Variants in GRAMD1C observed in about 807,000 individuals in gnomAD.
GRAMD1C encodes protein Aster-C.
In GRAMD1C, 89 loss-of-function variants were observed where a neutral mutation model predicts 97.8. The observed-to-expected ratio is 0.91, with a 90% CI of 0.77 to 1.09. The LOEUF is 1.09. GRAMD1C is among the 50% of genes least tolerant of loss of function. The pLI is 0.00. For synonymous variants in GRAMD1C, 256 were observed against 267.0 expected (o/e 0.96, Z 0.40); for missense variants, 740 against 766.4 (o/e 0.97, Z 0.41).
chr3:113,867,181 G>A (rs1290167159), intron 2 of GRAMD1C, among the ~76,000 whole-genome samples: 3 of 152,142 alleles, frequency 2.0e-5, no homozygotes, highest in Non-Finnish European at 2.9e-5. Flanking sequence ...ATAGATTTAT[G>A]TAGTCTTTTA....
chr3:113,930,929 C>T (rs1351380104), intron 11 of GRAMD1C, 97 bp downstream of exon 11: 2 of 631,210 alleles, frequency 3.2e-6, no homozygotes, highest in African/African-American at 1.8e-5. Flanking sequence ...TTTCAATAAA[C>T]AAGTGGCAAG....
chr3:113,932,287 C>T lies in GRAMD1C; in HGVS notation c.1210-1224C>T, dbSNP rs555721085. 9.9e-5 allele frequency among the ~76,000 whole-genome samples: 15 copies of T among 152,232 alleles called. No individual in the cohort carries two copies. The South Asian group carries it at 2.9e-3, about 29-fold the overall frequency. On this transcript the variant is annotated intron_variant, in intron 11 of 17. Coordinates refer to ENST00000358160, the MANE Select transcript of GRAMD1C (RefSeq NM_017577.5). ...AAGAACGTATTTCCATACCTTTAAA[C>T]AATTCTTAAAAGATTATCAAACGTA...
upstream of GRAMD1C, among the ~76,000 whole-genome samples, chr3:113,835,414 G>C (rs1264800790): frequency 6.6e-6 from 1 of 152,214 alleles, no homozygotes; most frequent in African/African-American, 2.4e-5. Context: ...GCTGTAGTTA[G>C]ACAACATTGT....
intron 6 of GRAMD1C, among the ~76,000 whole-genome samples, chr3:113,883,151 AAAAC>A (rs1935324357): frequency 6.6e-6 from 1 of 152,196 alleles, no homozygotes; most frequent in Non-Finnish European, 1.5e-5. Flanking sequence ...GGACATATAG[AAAAC>A]AAACAGCAAA....
At chr3:113,930,959 G>A in intron 11 of GRAMD1C, 127 bp downstream of exon 11, 1 of 599,568 alleles carries the variant, frequency 1.7e-6, no homozygotes, top group South Asian at 2.2e-5. Flanking sequence ...AGGAGAAACT[G>A]TTACAGGTTA....
At chr3:113,906,320 G>A (rs532648434) in intron 8 of GRAMD1C, among the ~76,000 whole-genome samples, 59 of 152,310 alleles carry the variant, frequency 3.9e-4, no homozygotes, top group Non-Finnish European at 8.2e-4. Flanking sequence ...CTCCATGCAT[G>A]TTATTCTCCC....
At chr3:113,832,423 ATAAAC>A (rs1709571170) in intron 1 of GRAMD1C, among the ~76,000 whole-genome samples, 1 of 152,218 alleles carries the variant, frequency 6.6e-6, no homozygotes, top group South Asian at 2.1e-4. Context: ...AGTATCTTTT[ATAAAC>A]TACTTTTTTA....
Position 113,872,391 on chromosome 3 carries a change from C to CTTTTTTTTTTTTTTTTTT in GRAMD1C, c.259+2804_259+2821dup, listed in dbSNP as rs777339692. On this transcript the variant is annotated intron_variant, in intron 3 of 17. Coordinates refer to ENST00000358160, the MANE Select transcript of GRAMD1C (RefSeq NM_017577.5). ...ATGAATCCACTTCATTCTTTTTTTTCTTTTTTTTTTTTTTTTTTTTTGAGA... is the reference window on the plus strand; with the variant it reads ...ATGAATCCACTTCATTCTTTTTTTTCTTTTTTTTTTTTTTTTTTTTTTTTTTTTTTTTTTTTTTTGAGA... Among the ~76,000 whole-genome samples, 8 of 117,460 alleles carry CTTTTTTTTTTTTTTTTTT rather than the reference C, an allele frequency of 6.8e-5. 1 individual carries two copies. The highest frequency in any genetic ancestry group is 5.1e-5 in the Non-Finnish European group (3 of 58,548). 77.1% of individuals were successfully genotyped at this position (117,460 alleles called of 152,430 possible).
chr3:113,900,820 A>G (rs1936141657), intron 6 of GRAMD1C, among the ~76,000 whole-genome samples: 1 of 152,092 alleles, frequency 6.6e-6, no homozygotes, highest in African/African-American at 2.4e-5. Flanking sequence ...CATTTTATCT[A>G]TTCCTTTTAT....
intron 2 of GRAMD1C, among the ~76,000 whole-genome samples, chr3:113,854,126 T>A (rs998211313): frequency 6.6e-6 from 1 of 151,864 alleles, no homozygotes; most frequent in African/African-American, 2.4e-5. Flanking sequence ...GGTTCTGGCA[T>A]GTGGGGAAAT....
Position 113,933,661 on chromosome 3 carries a change from G to A in GRAMD1C, c.1352+8G>A. The A allele has an allele frequency of 6.3e-7, 1 of 1,593,834 alleles. No homozygotes were observed. Among genetic ancestry groups the A allele is most frequent in the Non-Finnish European group, 8.6e-7 (1 of 1,162,654 alleles). ...ACAGAAATGCAGGCTAAGGTGAGCTGCTGTACATGAATGTGTTAGGATAGG... is the reference window on the plus strand; with the variant it reads ...ACAGAAATGCAGGCTAAGGTGAGCTACTGTACATGAATGTGTTAGGATAGG... On this transcript the variant is annotated splice_region_variant and intron_variant, in intron 12 of 17. Coordinates refer to ENST00000358160, the MANE Select transcript of GRAMD1C (RefSeq NM_017577.5).
intron 2 of GRAMD1C, among the ~76,000 whole-genome samples, chr3:113,849,707 G>C (rs183594227): frequency 7.6e-4 from 116 of 152,286 alleles, no homozygotes; most frequent in African/African-American, 1.7e-3. Context: ...TACACAGACA[G>C]GGCAACCATC....
intron 10 of GRAMD1C, among the ~76,000 whole-genome samples, chr3:113,929,914 A>T (rs1186531477): frequency 6.6e-6 from 1 of 152,228 alleles, no homozygotes; most frequent in Admixed American, 6.5e-5. Flanking sequence ...GCAGTCAAAC[A>T]TACTAGTACT....
intron 6 of GRAMD1C, among the ~76,000 whole-genome samples, chr3:113,884,888 C>T (rs1935395345): frequency 6.7e-6 from 1 of 148,748 alleles, no homozygotes; most frequent in Non-Finnish European, 1.5e-5. Flanking sequence ...GGACCACTCT[C>T]CGCTTTCCCC....
chr3:113,869,528 G>A lies in GRAMD1C; in HGVS notation c.196G>A (p.Asp66Asn). 1 of 1,516,894 alleles carries A rather than the reference G, an allele frequency of 6.6e-7. No individual in the cohort carries two copies. Among genetic ancestry groups the A allele is most frequent in the Non-Finnish European group, 9.1e-7 (1 of 1,101,558 alleles). The allele number at this position is 1,516,894 out of a possible 1,614,324, so 94.0% of individuals were successfully genotyped here. ...GCAGATTTCAAGTTCCACCTATAAA[G>A]ACAGGAATGAGGAATACAGAAGACA... Reference protein sequence around the residue: ...SFWISSSTYKDRNEEYRRQFT... With the variant: ...SFWISSSTYKNRNEEYRRQFT... Residue 66 changes from aspartate to asparagine, a missense_variant, in exon 3 of 18, where the codon GAC becomes AAC. Asp to Asn is a conservative substitution (Grantham distance 23). Coordinates refer to ENST00000358160, the MANE Select transcript of GRAMD1C (RefSeq NM_017577.5).
Position 113,933,536 on chromosome 3 carries a change from C to T in GRAMD1C, c.1235C>T (p.Ala412Val). 6.2e-7 allele frequency: 1 copy of T among 1,611,766 alleles called. No homozygotes were observed. Among genetic ancestry groups the T allele is most frequent in the Non-Finnish European group, 8.5e-7 (1 of 1,177,958 alleles). ...KQTLYKESRE[A>V]RFYLVDSEVL... Reference sequence around the variant, plus strand: ...ACACTGTATAAAGAAAGTCGGGAAGCACGATTTTATTTGGTAGATTCAGAA... The same window carrying T: ...ACACTGTATAAAGAAAGTCGGGAAGTACGATTTTATTTGGTAGATTCAGAA... Residue 412 changes from alanine to valine, a missense_variant, in exon 12 of 18, where the codon GCA (alanine) becomes GTA (valine). Coordinates refer to ENST00000358160, the MANE Select transcript of GRAMD1C (RefSeq NM_017577.5).
intron 16 of GRAMD1C, 67 bp from the exon 17 acceptor site, chr3:113,940,173 A>AT (rs1390564974): frequency 2.9e-6 from 3 of 1,036,400 alleles, no homozygotes; most frequent in Non-Finnish European, 4.5e-6. Context: ...GGCTCTGATG[A>AT]TTTCTGGAAA....
At chr3:113,887,084 TG>T (rs1487357248) in intron 6 of GRAMD1C, among the ~76,000 whole-genome samples, 3,126 of 118,794 alleles carry the variant, frequency 0.026, 149 homozygotes, top group Middle Eastern at 0.05. Context: ...CTGGCCTTTT[TG>T]TTTTTTTTTT....
chr3:113,866,579 T>C (rs780079459), intron 2 of GRAMD1C, among the ~76,000 whole-genome samples: 17 of 152,242 alleles, frequency 1.1e-4, no homozygotes, highest in African/African-American at 1.9e-4. Context: ...TTATGTTCCA[T>C]ATGTTTTATA....
Sources: gnomAD v4.1 joint callset for allele counts (sites outside exome capture counted in the v4.1 genomes callset) on GRCh38, gnomAD v4.1.1 for gene constraint, MANE v1.5 for transcripts, NCBI Gene and HGNC (gene_info 2026-07-23, HGNC 2026-07-21) for gene names.